Variants in ME3 observed in about 807,000 individuals in gnomAD.
The protein encoded by ME3 is malic enzyme 3.
Under a neutral mutation model 68.9 loss-of-function variants are expected in ME3, and 48 were observed. The ratio of observed to expected loss-of-function variants is 0.70; its 90% confidence interval spans 0.55 to 0.89. The LOEUF is 0.89. Ranked by LOEUF, ME3 falls within the 40% of genes least tolerant of loss-of-function variation. ME3 has a pLI of 0.00. For missense variants in ME3, 675 were observed against 797.4 expected, an observed-to-expected ratio of 0.85 and a Z score of 1.85; for synonymous variants, 320 against 318.8, an observed-to-expected ratio of 1.00 and a Z score of -0.04.
chr11:86,542,299 C>CA (rs1183680364), intron 4 of ME3, among the ~76,000 whole-genome samples: 1 of 152,132 alleles, frequency 6.6e-6, no homozygotes, highest in African/African-American at 2.4e-5. Context: ...CTGGACAGAG[C>CA]ATGACTTTGA....
intron 2 of ME3, among the ~76,000 whole-genome samples, chr11:86,632,452 ATTC>A (rs1275388327): frequency 1.3e-5 from 2 of 152,154 alleles, no homozygotes; most frequent in Non-Finnish European, 2.9e-5. Context: ...AAGAAGTTGT[ATTC>A]TTTTACTTTA....
chr11:86,568,793 T>C (rs1957623026), intron 2 of ME3, among the ~76,000 whole-genome samples: 1 of 152,218 alleles, frequency 6.6e-6, no homozygotes, highest in Non-Finnish European at 1.5e-5. Context: ...ACTGTGTACT[T>C]GACAATCTCT....
At chr11:86,494,377 C>T (rs1952184015) in intron 6 of ME3, among the ~76,000 whole-genome samples, 1 of 152,136 alleles carries the variant, frequency 6.6e-6, no homozygotes, top group Admixed American at 6.5e-5. Flanking sequence ...GCTGTGGAGC[C>T]AGACAGCTGG....
intron 4 of ME3, among the ~76,000 whole-genome samples, chr11:86,514,244 T>A (rs646691): frequency 0.25 from 38,328 of 152,122 alleles, 5,356 homozygotes; most frequent in African/African-American, 0.38. Flanking sequence ...ACTGCAAGTC[T>A]ATTAAATCTC....
At chr11:86,596,313 G>A (rs978526246) in intron 2 of ME3, among the ~76,000 whole-genome samples, 1 of 152,126 alleles carries the variant, frequency 6.6e-6, no homozygotes, top group Non-Finnish European at 1.5e-5. Context: ...CTTTTGACTA[G>A]TGAAAAAAAT....
At chr11:86,436,126 C>T (rs1948896680), downstream of ME3, 5 of 152,088 alleles carry the variant, frequency 3.3e-5, no homozygotes, top group South Asian at 1.0e-3. Context: ...ACTTACAAGG[C>T]AAGGGAACTC....
intron 2 of ME3, among the ~76,000 whole-genome samples, chr11:86,666,694 C>T (rs897353067): frequency 3.3e-5 from 5 of 152,320 alleles, no homozygotes; most frequent in East Asian, 3.9e-4. Flanking sequence ...TAAATTGCCA[C>T]TTATGGAGCT....
At chr11:86,551,161 AAAGT>A (rs1956659906) in intron 4 of ME3, among the ~76,000 whole-genome samples, 1 of 152,064 alleles carries the variant, frequency 6.6e-6, no homozygotes. Flanking sequence ...AAGAGATGAA[AAAGT>A]AATACCCCTC....
At chr11:86,439,400 G>C (rs1442319495), downstream of ME3, among the ~76,000 whole-genome samples, 1 of 152,108 alleles carries the variant, frequency 6.6e-6, no homozygotes, top group Non-Finnish European at 1.5e-5. Flanking sequence ...CCAATATTTT[G>C]GAATTTCCCA....
In ME3 at chr11:86,559,671, A is replaced by G. The variant is rs1387336875; in HGVS notation, c.317+19T>C. The G allele has an allele frequency of 6.2e-7, 1 of 1,604,718 alleles. No homozygotes were observed. The highest frequency in any genetic ancestry group is 1.1e-5 in the South Asian group (1 of 90,164). ...TCAGCCCAAGGACCAGACAGAGAGA[A>G]CAGACACTAGGTACTGACTTGTCCA... On this transcript the variant is annotated intron_variant, in intron 3 of 14. Coordinates refer to ENST00000543262, the Ensembl canonical transcript of ME3.
intron 2 of ME3, among the ~76,000 whole-genome samples, chr11:86,607,502 G>A (rs1961868611): frequency 6.8e-6 from 1 of 146,432 alleles, no homozygotes. Context: ...TCCAAATAGA[G>A]CCTGGTGAAT....
chr11:86,527,320 G>T (rs1457493445), intron 4 of ME3, among the ~76,000 whole-genome samples: 1 of 152,088 alleles, frequency 6.6e-6, no homozygotes, highest in African/African-American at 2.4e-5. Context: ...AGAGAAAAAA[G>T]AATAAAAAGA....
chr11:86,585,164 T>C (rs1958662310), intron 2 of ME3, among the ~76,000 whole-genome samples: 1 of 152,104 alleles, frequency 6.6e-6, no homozygotes, highest in Admixed American at 6.5e-5. Context: ...GCTGAGGACT[T>C]AGGTTTTCAG....
intron 2 of ME3, among the ~76,000 whole-genome samples, chr11:86,651,153 A>C (rs554662004): frequency 6.6e-6 from 1 of 152,076 alleles, no homozygotes; most frequent in Non-Finnish European, 1.5e-5. Flanking sequence ...GCCTCTGTAG[A>C]CTCCACTTCT....
chr11:86,469,843 T>C (rs1950687075), intron 7 of ME3, among the ~76,000 whole-genome samples: 1 of 151,474 alleles, frequency 6.6e-6, no homozygotes, highest in South Asian at 2.1e-4. Flanking sequence ...AGTGGATGTT[T>C]GATTTTGTTT....
At chr11:86,650,047 A>C (rs1945295466) in intron 2 of ME3, among the ~76,000 whole-genome samples, 1 of 152,200 alleles carries the variant, frequency 6.6e-6, no homozygotes, top group African/African-American at 2.4e-5. Context: ...ATGCTACCTG[A>C]CTTCAAACTA....
intron 8 of ME3, among the ~76,000 whole-genome samples, chr11:86,460,852 A>G (rs563572500): frequency 4.8e-4 from 73 of 152,338 alleles, no homozygotes; most frequent in Admixed American, 3.6e-3. Context: ...TGTATCTGCC[A>G]TGTTGGCTCA....
intron 4 of ME3, among the ~76,000 whole-genome samples, chr11:86,517,746 C>A (rs138354606): frequency 6.6e-6 from 1 of 152,250 alleles, no homozygotes; most frequent in East Asian, 1.9e-4. Context: ...TGCATATCTC[C>A]TTCCACTAGA....
intron 2 of ME3, among the ~76,000 whole-genome samples, chr11:86,588,842 G>A (rs988110940): frequency 6.6e-6 from 1 of 152,186 alleles, no homozygotes; most frequent in Admixed American, 6.5e-5. Flanking sequence ...TGGGCACAAT[G>A]CCTTTCCTAA....
Sources: allele counts gnomAD v4.1 joint callset (sites outside exome capture counted in the v4.1 genomes callset), GRCh38; gene constraint gnomAD v4.1.1; transcripts MANE v1.5; gene names NCBI Gene and HGNC (gene_info 2026-07-23, HGNC 2026-07-21).